CLMN: variants seen among roughly 807,000 people sequenced by gnomAD.
CLMN encodes the protein calmin (calponin-like, transmembrane).
A neutral mutation model predicts 92.7 loss-of-function variants in CLMN; 57 were observed. That is an observed-to-expected ratio of 0.61 (90% CI 0.50 to 0.77). The LOEUF (loss-of-function observed/expected upper bound fraction) is 0.77. Ranked by LOEUF, CLMN falls within the 30% of genes least tolerant of loss-of-function variation. The pLI is 0.00. For synonymous variants in CLMN, 466 were observed against 470.6 expected (o/e 0.99, Z 0.13); for missense variants, 1,158 against 1,237.5 (o/e 0.94, Z 0.96).
rs1897178518 is a variant in CLMN at position 95,210,861 on chromosome 14, C to T, written c.627G>A (p.Gln209=). Residue 209 remains glutamine, a synonymous_variant, in exon 7 of 13, where the codon CAG becomes CAA. Coordinates refer to ENST00000298912, the MANE Select transcript of CLMN (RefSeq NM_024734.4). ...CACTCCTCCAACTGCCCGCAAAGTC[C>T]TGCACCGCCACGCCATACCTGAAGG... ...RKTRKYGVAV[Q]DFAGSWRSGL... 6.5e-7 allele frequency: 1 copy of T among 1,538,130 alleles called. No individual in the cohort carries two copies. Among genetic ancestry groups the T allele is most frequent in the Non-Finnish European group, 8.7e-7 (1 of 1,150,298 alleles).
At chr14:95,199,084 CG>C (rs1303863001) in intron 9 of CLMN, 1 of 152,014 alleles carries the variant, frequency 6.6e-6, no homozygotes, top group Non-Finnish European at 1.5e-5. Context: ...TTGGCAAACA[CG>C]GAGTGTGCAG....
Position 95,279,989 on chromosome 14 carries a change from AG to A in CLMN, c.82+39721del, listed in dbSNP as rs1275180931. On this transcript the variant is annotated intron_variant, in intron 1 of 12. Transcript: ENST00000298912. ...ATGTTGTTGTTTTTTTTTTTTGCCT[AG>A]TATAAAGGGTTAAAGGATTATATTA... 3.3e-5 allele frequency among the ~76,000 whole-genome samples: 5 copies of A among 149,662 alleles called. No homozygotes were observed. The East Asian group carries it at 9.7e-4, about 29-fold the overall frequency.
chr14:95,219,466 G>T (rs767214039), intron 4 of CLMN, among the ~76,000 whole-genome samples: 1 of 152,206 alleles, frequency 6.6e-6, no homozygotes. Context: ...CAATCAAGGG[G>T]GGTGACGCAG....
rs746442511 is a variant in CLMN at position 95,230,111 on chromosome 14, C to T, written c.105G>A (p.Lys35=). ...NLQVERENVQ[K]RTFTRWINLH... ...GATTTATCCATCGTGTAAAGGTCCT[C>T]TTCTGCACATTTTCCCTCTCAACTG... The change falls in exon 2 of 13, where the codon AAG becomes AAA. Residue 35 remains lysine (K), a synonymous_variant. Coordinates refer to ENST00000298912, the MANE Select transcript of CLMN (RefSeq NM_024734.4). 5 of 1,614,126 alleles carry T rather than the reference C, an allele frequency of 3.1e-6. No homozygotes were observed. In the African/African-American group the frequency reaches 6.7e-5, roughly 22 times the overall value.
chr14:95,309,515 T>C (rs966803573), intron 1 of CLMN, among the ~76,000 whole-genome samples: 4 of 152,218 alleles, frequency 2.6e-5, no homozygotes, highest in Non-Finnish European at 4.4e-5. Flanking sequence ...CCACAGGGCA[T>C]AGATGAGATC....
At chr14:95,198,161 T>C (rs1382143799) in intron 9 of CLMN, among the ~76,000 whole-genome samples, 6 of 150,724 alleles carry the variant, frequency 4.0e-5, no homozygotes, top group Non-Finnish European at 7.4e-5. Context: ...GTGATTTTTC[T>C]GCCTCAGCCT....
chr14:95,260,729 G>A (rs192678412), intron 1 of CLMN: 8 of 152,334 alleles, frequency 5.3e-5, no homozygotes, highest in Admixed American at 5.2e-4. Flanking sequence ...TGTGACCATG[G>A]GAGGCTTCCT....
intron 1 of CLMN, among the ~76,000 whole-genome samples, chr14:95,269,977 C>A (rs752632501): frequency 6.6e-6 from 1 of 151,206 alleles, no homozygotes; most frequent in Non-Finnish European, 1.5e-5. Context: ...TAAACCACCG[C>A]GATTCGGAGA....
intron 1 of CLMN, among the ~76,000 whole-genome samples, chr14:95,245,907 GA>G (rs1334120997): frequency 6.9e-5 from 4 of 58,170 alleles, no homozygotes; most frequent in Non-Finnish European, 1.1e-4. Flanking sequence ...CGGATGAATG[GA>G]TGGATGGATG....
chr14:95,267,954 G>A (rs374415110), intron 1 of CLMN, among the ~76,000 whole-genome samples: 1 of 152,178 alleles, frequency 6.6e-6, no homozygotes, highest in South Asian at 2.1e-4. Context: ...ACTCATGTGT[G>A]GGAGCTAAGA....
intron 1 of CLMN, among the ~76,000 whole-genome samples, chr14:95,247,001 G>A (rs1898599272): frequency 6.6e-6 from 1 of 152,178 alleles, no homozygotes; most frequent in African/African-American, 2.4e-5. Context: ...TCCCAGAGTT[G>A]CTGTTCACAG....
chr14:95,285,815 G>A (rs1290952538), intron 1 of CLMN, among the ~76,000 whole-genome samples: 1 of 152,080 alleles, frequency 6.6e-6, no homozygotes, highest in African/African-American at 2.4e-5. Context: ...AAGCTCCATG[G>A]TACGGCCACA....
At chr14:95,219,324 G>A (rs1408996249) in intron 4 of CLMN, among the ~76,000 whole-genome samples, 5 of 152,210 alleles carry the variant, frequency 3.3e-5, no homozygotes, top group African/African-American at 9.6e-5. Context: ...AGAGCAGCAC[G>A]AATCTGAGGA....
At position 95,193,743 on chromosome 14, in the gene CLMN, T is replaced by C. The variant is rs578245374; in HGVS notation, c.2840+106A>G. ...TTGCATTATCCCAAATTATTAATAC[T>C]GTTATCAACAAAGCAGTGGGAGAAT... On this transcript the variant is annotated intron_variant, in intron 12 of 12. Coordinates refer to ENST00000298912, the MANE Select transcript of CLMN (RefSeq NM_024734.4). 5.3e-6 allele frequency: 7 copies of C among 1,326,870 alleles called. No homozygotes were observed. The Admixed American group carries it at 8.9e-5, about 17-fold the overall frequency. 82.2% of individuals were successfully genotyped at this position (1,326,870 alleles called of 1,614,324 possible). A position where few individuals can be genotyped will look rare whatever the true frequency, so the allele number is the denominator to read the frequency against.
Position 95,191,827 on chromosome 14 carries a change from C to T in CLMN, c.2841-95G>A. The T allele has an allele frequency of 7.9e-7, 1 of 1,268,446 alleles. No individual in the cohort carries two copies. Among genetic ancestry groups the T allele is most frequent in the South Asian group, 1.4e-5 (1 of 69,432 alleles). 78.6% of individuals were successfully genotyped at this position (1,268,446 alleles called of 1,614,324 possible). A position where few individuals can be genotyped will look rare whatever the true frequency, so the allele number is the denominator to read the frequency against. ...TACCCGTCTCTCCCCGGCCCCCACTCCCCGCCTGAAGACCCGAAGGCTCCC... is the reference window on the plus strand; with the variant it reads ...TACCCGTCTCTCCCCGGCCCCCACTTCCCGCCTGAAGACCCGAAGGCTCCC... On this transcript the variant is annotated intron_variant, in intron 12 of 12. Coordinates refer to ENST00000298912, the MANE Select transcript of CLMN (RefSeq NM_024734.4). This position sits in a 1 kb window ranked among gnomAD's most constrained non-coding sequence, Gnocchi z 5.3.
intron 1 of CLMN, among the ~76,000 whole-genome samples, chr14:95,290,630 G>A (rs1431277835): frequency 1.3e-5 from 2 of 152,096 alleles, no homozygotes; most frequent in African/African-American, 4.8e-5. Flanking sequence ...CAGAAGGAAC[G>A]CAGTATTACC....
intron 1 of CLMN, among the ~76,000 whole-genome samples, chr14:95,242,198 A>T (rs1898269132): frequency 6.7e-6 from 1 of 150,020 alleles, no homozygotes; most frequent in African/African-American, 2.4e-5. Context: ...AGACTAAGTG[A>T]ATTTGAATCC....
intron 1 of CLMN, among the ~76,000 whole-genome samples, chr14:95,306,932 C>T (rs1396475379): frequency 6.6e-6 from 1 of 152,150 alleles, no homozygotes; most frequent in Non-Finnish European, 1.5e-5. Context: ...TGAAACAATA[C>T]ATGCATGTTA....
chr14:95,233,237 G>A (rs1037466481), intron 1 of CLMN, among the ~76,000 whole-genome samples: 1 of 152,190 alleles, frequency 6.6e-6, no homozygotes, highest in African/African-American at 2.4e-5. Flanking sequence ...GGGTTAGGCT[G>A]CTAGTTTAAC....
Sources: allele counts gnomAD v4.1 joint callset (sites outside exome capture counted in the v4.1 genomes callset), GRCh38; gene constraint gnomAD v4.1.1; non-coding constraint Gnocchi (gnomAD v3.1); transcripts MANE v1.5; gene names NCBI Gene and HGNC (gene_info 2026-07-23, HGNC 2026-07-21).